The following NSUN6 variants were observed in gnomAD, a reference collection of about 807,000 sequenced individuals.
NSUN6 encodes the protein NOP2/Sun RNA methyltransferase 6, also known as tRNA (cytosine(72)-C(5))-methyltransferase NSUN6.
Under a neutral mutation model 58.0 loss-of-function variants are expected in NSUN6, and 64 were observed. That is an observed-to-expected ratio of 1.10 (90% CI 0.90 to 1.36). The LOEUF is 1.36. Ranked by LOEUF, NSUN6 falls within the 40% of genes most tolerant of loss-of-function variation. The pLI is 0.00. For synonymous variants in NSUN6, 231 were observed against 193.9 expected, an observed-to-expected ratio of 1.19 and a Z score of -1.59; for missense variants, 701 against 550.1, an observed-to-expected ratio of 1.27 and a Z score of -2.74.
At chr10:18,570,132 C>T (rs2056254570) in intron 8 of NSUN6, among the ~76,000 whole-genome samples, 1 of 151,468 alleles carries the variant, frequency 6.6e-6, no homozygotes, top group Non-Finnish European at 1.5e-5. Context: ...TCATTCCATT[C>T]CATTTCGCAT....
intron 10 of NSUN6, 136 bp from the exon 11 acceptor site, chr10:18,546,281 C>T (rs1238416859): frequency 1.4e-6 from 1 of 704,956 alleles, no homozygotes; most frequent in Non-Finnish European, 2.6e-6. Flanking sequence ...AAATGCCTTT[C>T]ATTTTGGTGG....
intron 8 of NSUN6, among the ~76,000 whole-genome samples, chr10:18,564,322 T>C (rs1368350132): frequency 6.6e-6 from 1 of 151,292 alleles, no homozygotes; most frequent in African/African-American, 2.4e-5. Context: ...CCTTTCCGCA[T>C]TCCTTTCCAT....
At chr10:18,633,942 A>T (rs1020342771) in intron 3 of NSUN6, among the ~76,000 whole-genome samples, 4 of 152,228 alleles carry the variant, frequency 2.6e-5, no homozygotes, top group Non-Finnish European at 4.4e-5. Context: ...CCAGGACTAC[A>T]GATGAGCCAG....
intron 7 of NSUN6, among the ~76,000 whole-genome samples, chr10:18,589,508 G>A (rs2057298758): frequency 6.6e-6 from 1 of 152,184 alleles, no homozygotes; most frequent in East Asian, 1.9e-4. Flanking sequence ...CAGCCAGAAA[G>A]GAAGGTCAGG....
intron 7 of NSUN6, among the ~76,000 whole-genome samples, chr10:18,587,878 GT>G (rs370440727): frequency 1.1e-3 from 164 of 147,370 alleles, no homozygotes; most frequent in African/African-American, 3.8e-3. Flanking sequence ...GCTAGCTGTA[GT>G]TTTTTTTTTT....
chr10:18,554,048 G>A (rs1460102492), intron 8 of NSUN6, among the ~76,000 whole-genome samples: 1 of 151,122 alleles, frequency 6.6e-6, no homozygotes. Flanking sequence ...CTCAAATGGA[G>A]AATGGAATGG....
Position 18,585,946 on chromosome 10 carries a change from C to G in NSUN6, c.922+3G>C, listed in dbSNP as rs1292563815. 2 of 1,584,472 alleles carry G rather than the reference C, an allele frequency of 1.3e-6. No homozygotes were observed. Among genetic ancestry groups the G allele is most frequent in the Non-Finnish European group, 1.7e-6 (2 of 1,170,672 alleles). On this transcript the variant is annotated splice_donor_region_variant and intron_variant, in intron 8 of 10. Transcript: ENST00000377304. ...TAAAAATAAGAAAATCAAAATAGCT[C>G]ACCTTCTGTGTCCTCCACCATATCA...
At chr10:18,568,306 A>C (rs900719084) in intron 8 of NSUN6, among the ~76,000 whole-genome samples, 5 of 150,126 alleles carry the variant, frequency 3.3e-5, no homozygotes, top group Non-Finnish European at 7.4e-5. Flanking sequence ...TTCATTCTCC[A>C]TTCCATTCCG....
intron 8 of NSUN6, among the ~76,000 whole-genome samples, chr10:18,553,164 TCCATTCC>T (rs1181788690): frequency 6.6e-6 from 1 of 150,844 alleles, no homozygotes; most frequent in African/African-American, 2.5e-5. Flanking sequence ...CATTCCATTC[TCCATTCC>T]ATTCCATTGC....
chr10:18,612,475 A>G (rs775500192), intron 5 of NSUN6, among the ~76,000 whole-genome samples: 10 of 152,206 alleles, frequency 6.6e-5, no homozygotes, highest in Non-Finnish European at 1.2e-4. Context: ...TACCTTGATC[A>G]ATACCCAGAA....
chr10:18,570,811 CACTCT>C (rs764441566), intron 8 of NSUN6, among the ~76,000 whole-genome samples: 44 of 149,140 alleles, frequency 3.0e-4, no homozygotes, highest in Non-Finnish European at 5.5e-4. Context: ...TCCTCCATTC[CACTCT>C]ATTCACCACT....
At chr10:18,567,064 T>A (rs2056011895) in intron 8 of NSUN6, among the ~76,000 whole-genome samples, 1 of 150,138 alleles carries the variant, frequency 6.7e-6, no homozygotes, top group Non-Finnish European at 1.5e-5. Context: ...CTCCATTCTA[T>A]TCCATTCTCC....
chr10:18,590,796 A>G (rs1370636688), intron 7 of NSUN6, among the ~76,000 whole-genome samples: 1 of 152,242 alleles, frequency 6.6e-6, no homozygotes, highest in Non-Finnish European at 1.5e-5. Context: ...TGCCCACATC[A>G]TCAAGCTGGA....
chr10:18,642,514 G>A lies in NSUN6; in HGVS notation c.273C>T (p.Asp91=), dbSNP rs1442059142. 6.4e-7 allele frequency: 1 copy of A among 1,562,054 alleles called. No individual in the cohort carries two copies. Among genetic ancestry groups the A allele is most frequent in the Non-Finnish European group, 8.8e-7 (1 of 1,133,498 alleles). ...GLSVPILQHP[D]LQDVLLIPVI... ...CAGGAATAAGTAACACATCTTGAAG[G>A]TCTGGATGTTGAAGAATAGGAACAC... Residue 91 remains aspartate, a synonymous_variant, in exon 3 of 11, where the codon GAC becomes GAT. Coordinates refer to ENST00000377304, the MANE Select transcript of NSUN6 (RefSeq NM_182543.5).
At position 18,545,755 on chromosome 10, in the gene NSUN6, C is replaced by T. The variant is rs1201426528; in HGVS notation, c.*178G>A. On this transcript the variant is annotated 3_prime_UTR_variant, in exon 11 of 11. Coordinates refer to ENST00000377304, the MANE Select transcript of NSUN6 (RefSeq NM_182543.5). ...CTTTTAAAAACAGAAAATATAATCT[C>T]ATACCACCCCCTACTTCCTCTATGT... 15 of 561,744 alleles carry T rather than the reference C, an allele frequency of 2.7e-5. No individual in the cohort carries two copies. Among genetic ancestry groups the T allele is most frequent in the Non-Finnish European group, 4.3e-5 (14 of 325,722 alleles). The allele number at this position is 561,744 out of a possible 1,614,324, so 34.8% of individuals were successfully genotyped here.
upstream of NSUN6, chr10:18,654,952 A>C: frequency 3.0e-6 from 1 of 330,290 alleles, no homozygotes; most frequent in Non-Finnish European, 4.3e-6. Context: ...GAATACTGCC[A>C]GGATTAAACA....
chr10:18,557,999 G>C (rs2055175528), intron 8 of NSUN6, among the ~76,000 whole-genome samples: 1 of 150,838 alleles, frequency 6.6e-6, no homozygotes, highest in Non-Finnish European at 1.5e-5. Context: ...AACTGAATGG[G>C]ATGGACATGA....
At position 18,651,412 on chromosome 10, in the gene NSUN6, C is replaced by T; in HGVS notation, c.-209G>A. 7.9e-7 allele frequency: 1 copy of T among 1,261,240 alleles called. No homozygotes were observed. Among genetic ancestry groups the T allele is most frequent in the Non-Finnish European group, 1.0e-6 (1 of 1,004,108 alleles). The allele number at this position is 1,261,240 out of a possible 1,614,324, so 78.1% of individuals were successfully genotyped here. On this transcript the variant is annotated 5_prime_UTR_variant, in exon 1 of 11. In the 5' UTR this introduces an upstream ATG that the reference lacks. Coordinates refer to ENST00000377304, the MANE Select transcript of NSUN6 (RefSeq NM_182543.5). ...AAGGGGCTGCCGGGCTTCCACCACACCTCATCGAGGCAATGTTTTCTGGTA... is the reference window on the plus strand; with the variant it reads ...AAGGGGCTGCCGGGCTTCCACCACATCTCATCGAGGCAATGTTTTCTGGTA...
chr10:18,549,498 T>G (rs530597039), intron 9 of NSUN6, among the ~76,000 whole-genome samples: 2 of 152,316 alleles, frequency 1.3e-5, no homozygotes, highest in East Asian at 3.9e-4. Context: ...GGCCATTGCA[T>G]TATTGCCTTC....
Sources: allele counts gnomAD v4.1 joint callset (sites outside exome capture counted in the v4.1 genomes callset), GRCh38; gene constraint gnomAD v4.1.1; transcripts MANE v1.5; gene names NCBI Gene and HGNC (gene_info 2026-07-23, HGNC 2026-07-21).